MAML2: variants seen among roughly 807,000 people sequenced by gnomAD.
MAML2 encodes the protein mastermind-like protein 2.
A neutral mutation model predicts 96.1 loss-of-function variants in MAML2; 22 were observed. The ratio of observed to expected loss-of-function variants is 0.23; its 90% CI spans 0.16 to 0.33. The LOEUF is 0.33. Ranked by LOEUF, MAML2 falls within the 10% of genes least tolerant of loss-of-function variation. The pLI, the probability that MAML2 is intolerant of heterozygous loss-of-function variation, is 1.00. For synonymous variants in MAML2, 561 were observed against 521.3 expected (o/e 1.08, Z -1.04); for missense variants, 1,367 against 1,392.4 (o/e 0.98, Z 0.29).
rs1487341506 is a variant in MAML2, at chr11:96,138,117, G to A, written c.514-44600C>T. Among the ~76,000 whole-genome samples the A allele has an allele frequency of 2.6e-5, 4 of 152,284 alleles. No homozygotes were observed. The East Asian group carries it at 5.8e-4, about 22-fold the overall frequency. On this transcript the variant is annotated intron_variant, in intron 1 of 4. Coordinates refer to ENST00000524717, the MANE Select transcript of MAML2 (RefSeq NM_032427.4). Reference sequence around the variant, plus strand: ...TAGGCTAATAAGAACACAGGATTCCGGTTTTTTGTATACCTCAAGATCCTC... The same window carrying A: ...TAGGCTAATAAGAACACAGGATTCCAGTTTTTTGTATACCTCAAGATCCTC...
chr11:95,990,845 C>T (rs952930399), intron 3 of MAML2, among the ~76,000 whole-genome samples: 2 of 152,032 alleles, frequency 1.3e-5, no homozygotes, highest in African/African-American at 4.8e-5. Context: ...GGCAATGAAA[C>T]CAGGGCTGAG....
chr11:96,341,205 C>T (rs1863987668), intron 1 of MAML2, among the ~76,000 whole-genome samples, 178 bp downstream of exon 1: 1 of 152,178 alleles, frequency 6.6e-6, no homozygotes, highest in Admixed American at 6.5e-5. Flanking sequence ...TGAGCACCAA[C>T]AGAACATGAT....
intron 1 of MAML2, among the ~76,000 whole-genome samples, chr11:96,269,471 A>AC: frequency 6.9e-6 from 1 of 144,536 alleles, no homozygotes; most frequent in Admixed American, 7.3e-5. Context: ...AAGTATATAT[A>AC]TAATCCATTA....
At chr11:96,309,110 T>C (rs1262690533) in intron 1 of MAML2, among the ~76,000 whole-genome samples, 2 of 152,198 alleles carry the variant, frequency 1.3e-5, no homozygotes, top group Non-Finnish European at 2.9e-5. Context: ...GCTGGCAATG[T>C]CTTTTGTCTT....
At chr11:96,145,476 C>CTTGTGAAT (rs1376753226) in intron 1 of MAML2, among the ~76,000 whole-genome samples, 4 of 152,116 alleles carry the variant, frequency 2.6e-5, no homozygotes, top group Admixed American at 1.3e-4. Context: ...ATCATGCTGC[C>CTTGTGAAT]TTGTGAATTT....
chr11:96,078,727 G>A (rs899982663), intron 2 of MAML2, among the ~76,000 whole-genome samples: 1 of 152,230 alleles, frequency 6.6e-6, no homozygotes, highest in Admixed American at 6.5e-5. Flanking sequence ...GGCTTCAGCT[G>A]TGCCAGCATA....
At position 95,976,939 on chromosome 11, in the gene MAML2, C is replaced by T. The variant is rs967263163; in HGVS notation, c.*2009G>A. On this transcript the variant is annotated 3_prime_UTR_variant, in exon 5 of 5. Coordinates refer to ENST00000524717, the MANE Select transcript of MAML2 (RefSeq NM_032427.4). ...GCAACAAGGACCAATACAATGTGCA[C>T]AGCAGAAGAATCAAATAAGACACAA... 2 of 195,438 alleles carry T rather than the reference C, an allele frequency of 1.0e-5. No homozygotes were observed. Among genetic ancestry groups the T allele is most frequent in the Non-Finnish European group, 2.1e-5 (2 of 94,094 alleles). The allele number at this position is 195,438 out of a possible 1,614,324, so 12.1% of individuals were successfully genotyped here.
At chr11:96,304,049 G>A (rs1863430043) in intron 1 of MAML2, among the ~76,000 whole-genome samples, 2 of 152,144 alleles carry the variant, frequency 1.3e-5, no homozygotes, top group African/African-American at 4.8e-5. Context: ...CCTCCTTCTC[G>A]AATTCAGCAC....
At chr11:96,171,367 A>G (rs1861293946) in intron 1 of MAML2, among the ~76,000 whole-genome samples, 1 of 152,156 alleles carries the variant, frequency 6.6e-6, no homozygotes, top group South Asian at 2.1e-4. Context: ...GACTCCATCC[A>G]GTATGGGTAG....
intron 1 of MAML2, among the ~76,000 whole-genome samples, chr11:96,148,116 C>A (rs1214299528): frequency 6.6e-6 from 1 of 152,208 alleles, no homozygotes; most frequent in Non-Finnish European, 1.5e-5. Flanking sequence ...TCTGTCACGT[C>A]GGGACATGTT....
intron 2 of MAML2, among the ~76,000 whole-genome samples, chr11:96,015,593 G>GC (rs899792585): frequency 8.0e-6 from 1 of 125,044 alleles, no homozygotes; most frequent in Non-Finnish European, 1.7e-5. Flanking sequence ...AAGGGGGGGG[G>GC]GGCAATTCAT....
At chr11:96,175,366 T>C (rs925253467) in intron 1 of MAML2, among the ~76,000 whole-genome samples, 1 of 152,220 alleles carries the variant, frequency 6.6e-6, no homozygotes, top group Non-Finnish European at 1.5e-5. Flanking sequence ...CTAGTTGCAT[T>C]AATTTTTGTA....
At chr11:96,131,286 A>C (rs1400446984) in intron 1 of MAML2, among the ~76,000 whole-genome samples, 2 of 152,212 alleles carry the variant, frequency 1.3e-5, no homozygotes, top group Non-Finnish European at 2.9e-5. Context: ...AACATGTGAA[A>C]AAATCACAGA....
intron 1 of MAML2, among the ~76,000 whole-genome samples, chr11:96,279,859 A>T (rs915509470): frequency 6.6e-6 from 1 of 152,184 alleles, no homozygotes; most frequent in Non-Finnish European, 1.5e-5. Context: ...CCCTGGATGA[A>T]CTGAGCACTT....
intron 2 of MAML2, among the ~76,000 whole-genome samples, chr11:96,070,153 G>C (rs1306388765): frequency 2.0e-5 from 3 of 152,052 alleles, no homozygotes; most frequent in Non-Finnish European, 2.9e-5. Flanking sequence ...TAGCCGGCGT[G>C]GTGGCGGGCG....
chr11:96,113,006 CA>C (rs947072137), intron 1 of MAML2, among the ~76,000 whole-genome samples: 1 of 151,632 alleles, frequency 6.6e-6, no homozygotes, highest in Non-Finnish European at 1.5e-5. Context: ...AATCAGTGAG[CA>C]AAAAGGCAAC....
At chr11:96,226,739 GTC>G (rs1216187379) in intron 1 of MAML2, among the ~76,000 whole-genome samples, 1 of 152,096 alleles carries the variant, frequency 6.6e-6, no homozygotes, top group Non-Finnish European at 1.5e-5. Flanking sequence ...AATTCTATTA[GTC>G]TCTGAATTGA....
At chr11:96,068,477 C>CACACACACACAG (rs1859280691) in intron 2 of MAML2, among the ~76,000 whole-genome samples, 2 of 147,922 alleles carry the variant, frequency 1.4e-5, no homozygotes, top group South Asian at 4.2e-4. Context: ...CACACACACA[C>CACACACACACAG]AGAGGGAGGG....
intron 1 of MAML2, among the ~76,000 whole-genome samples, chr11:96,311,808 T>A (rs1863546061): frequency 6.6e-6 from 1 of 152,232 alleles, no homozygotes; most frequent in African/African-American, 2.4e-5. Flanking sequence ...TCAAGATCCT[T>A]TTTGTGACTT....
Sources: gnomAD v4.1 joint callset for allele counts (sites outside exome capture counted in the v4.1 genomes callset) on GRCh38, gnomAD v4.1.1 for gene constraint, MANE v1.5 for transcripts, NCBI Gene and HGNC (gene_info 2026-07-23, HGNC 2026-07-21) for gene names.